The following LRRC69 variants were observed in gnomAD, a reference collection of about 807,000 sequenced individuals.
LRRC69 encodes the protein leucine-rich repeat-containing protein 69.
In LRRC69, 42 loss-of-function variants were observed where a neutral mutation model predicts 37.8. That is an observed-to-expected ratio of 1.11 (90% CI 0.87 to 1.44). The LOEUF (loss-of-function observed/expected upper bound fraction) is 1.44. Among genes scored for constraint, LRRC69 ranks in the 40% most tolerant of loss-of-function variants. The pLI, the probability that LRRC69 is intolerant of heterozygous loss-of-function variation, is 0.00. For missense variants in LRRC69, 357 were observed against 401.9 expected (o/e 0.89, Z 0.96); for synonymous variants, 141 against 143.1 (o/e 0.99, Z 0.11).
At chr8:91,202,179 C>T (rs572099844) in intron 7 of LRRC69, among the ~76,000 whole-genome samples, 1 of 152,090 alleles carries the variant, frequency 6.6e-6, no homozygotes. Flanking sequence ...GCACTCCAGC[C>T]TAGGCAACAG....
At chr8:91,189,620 A>G (rs1809460030) in exon 6 of LRRC69, 7 of 1,533,340 alleles carry the variant, frequency 4.6e-6, no homozygotes, top group East Asian at 2.4e-5. Flanking sequence ...TCTGGAGTCT[A>G]CAGGTGAAGA....
intron 6 of LRRC69, among the ~76,000 whole-genome samples, chr8:91,195,749 A>G (rs1341547389): frequency 6.6e-6 from 1 of 151,942 alleles, no homozygotes; most frequent in Non-Finnish European, 1.5e-5. Context: ...TCTGCACGTG[A>G]GATGGGTTTC....
At chr8:91,185,547 G>T (rs1586272526) in intron 5 of LRRC69, among the ~76,000 whole-genome samples, 2 of 150,140 alleles carry the variant, frequency 1.3e-5, no homozygotes, top group East Asian at 2.0e-4. Context: ...TTCATGCAGG[G>T]TGTGTGAGAC....
intron 6 of LRRC69, among the ~76,000 whole-genome samples, chr8:91,190,062 A>G (rs368269307): frequency 1.2e-3 from 187 of 152,328 alleles, no homozygotes; most frequent in African/African-American, 4.2e-3. Context: ...ACAGGAAAGC[A>G]TATTACAGAA....
chr8:91,121,077 T>A (rs1228394711), intron 1 of LRRC69, among the ~76,000 whole-genome samples: 1 of 152,024 alleles, frequency 6.6e-6, no homozygotes. Flanking sequence ...ATTCTTCTAT[T>A]TATCTTACAT....
At chr8:91,155,700 A>T (rs1390256569) in intron 5 of LRRC69, among the ~76,000 whole-genome samples, 4 of 150,630 alleles carry the variant, frequency 2.7e-5, no homozygotes, top group Admixed American at 6.7e-5. Flanking sequence ...TATGAACTCA[A>T]CATTTTTATC....
intron 3 of LRRC69, among the ~76,000 whole-genome samples, chr8:91,127,515 G>T (rs974838115): frequency 7.2e-6 from 1 of 138,456 alleles, no homozygotes; most frequent in Middle Eastern, 4.0e-3. Flanking sequence ...TTTTGAGCTT[G>T]ATGGAAAAGG....
chr8:91,172,387 T>C (rs1809149060), intron 5 of LRRC69, among the ~76,000 whole-genome samples: 1 of 152,110 alleles, frequency 6.6e-6, no homozygotes, highest in African/African-American at 2.4e-5. Flanking sequence ...GTTTTCTAAT[T>C]GGTTATTATC....
At chr8:91,158,821 T>C (rs1448850836) in intron 5 of LRRC69, 29 of 704,918 alleles carry the variant, frequency 4.1e-5, no homozygotes, top group Middle Eastern at 7.8e-4. Context: ...TATGTGAAAG[T>C]GTAAAATAGA....
At chr8:91,132,125 T>G (rs1297117903) in intron 3 of LRRC69, among the ~76,000 whole-genome samples, 1 of 151,876 alleles carries the variant, frequency 6.6e-6, no homozygotes, top group Non-Finnish European at 1.5e-5. Flanking sequence ...TTTAGTTCCC[T>G]CATTCTTACA....
intron 5 of LRRC69, among the ~76,000 whole-genome samples, chr8:91,185,237 TAA>T: frequency 6.6e-6 from 1 of 152,276 alleles, no homozygotes; most frequent in South Asian, 2.1e-4. Context: ...CCTTCGGCTT[TAA>T]GGCCTAGGGT....
At chr8:91,197,341 A>G (rs1809623771) in intron 6 of LRRC69, among the ~76,000 whole-genome samples, 1 of 152,206 alleles carries the variant, frequency 6.6e-6, no homozygotes, top group Admixed American at 6.5e-5. Flanking sequence ...AGAGGCAGGC[A>G]GGCCTCCTGG....
rs539305296 is a variant in LRRC69, at chr8:91,133,631, T to C, written c.579+326T>C. Among the ~76,000 whole-genome samples the C allele has an allele frequency of 1.5e-4, 23 of 152,042 alleles. 1 individual carries two copies. In the South Asian group the frequency reaches 4.8e-3, roughly 32 times the overall value. On this transcript the variant is annotated intron_variant, in intron 4 of 7. Coordinates refer to ENST00000448384, the Ensembl canonical transcript of LRRC69. ...ACTAAAAAACCTATTTATTGTTTGG[T>C]ATTTCTTTCTTTCTTCTTTTTGAGA...
At chr8:91,158,043 T>C in intron 5 of LRRC69, 2 of 1,363,388 alleles carry the variant, frequency 1.5e-6, no homozygotes, top group South Asian at 2.3e-5. Flanking sequence ...AAAATTATCT[T>C]TAAAAACATG....
At chr8:91,125,273 T>C (rs1275265429) in intron 2 of LRRC69, among the ~76,000 whole-genome samples, 6 of 151,786 alleles carry the variant, frequency 4.0e-5, no homozygotes, top group Non-Finnish European at 8.8e-5. Context: ...GAGAGAAATA[T>C]TATAAAATTT....
chr8:91,175,323 C>A (rs751209154), intron 5 of LRRC69, among the ~76,000 whole-genome samples: 1 of 152,108 alleles, frequency 6.6e-6, no homozygotes, highest in Non-Finnish European at 1.5e-5. Context: ...CACTTAAATG[C>A]AGCATATCTT....
chr8:91,169,857 C>T, intron 5 of LRRC69, among the ~76,000 whole-genome samples: 2 of 134,150 alleles, frequency 1.5e-5, no homozygotes, highest in Non-Finnish European at 3.2e-5. Context: ...ATGAACTCAT[C>T]CTTTTTTATG....
intron 2 of LRRC69, among the ~76,000 whole-genome samples, chr8:91,126,623 C>T (rs1379555851): frequency 1.3e-5 from 2 of 151,894 alleles, no homozygotes; most frequent in African/African-American, 4.8e-5. Flanking sequence ...GCTCTGTCTT[C>T]CCTGTCAATG....
intron 5 of LRRC69, among the ~76,000 whole-genome samples, chr8:91,185,479 T>C (rs1205658948): frequency 6.6e-6 from 1 of 152,210 alleles, no homozygotes; most frequent in Admixed American, 6.5e-5. Flanking sequence ...GGGAGAAGTA[T>C]TCAGCAGATA....
Sources: allele counts gnomAD v4.1 joint callset (sites outside exome capture counted in the v4.1 genomes callset), GRCh38; gene constraint gnomAD v4.1.1; transcripts MANE v1.5; gene names NCBI Gene and HGNC (gene_info 2026-07-23, HGNC 2026-07-21).